Variants in BAZ1A observed in about 807,000 individuals in gnomAD.
BAZ1A encodes bromodomain adjacent to zinc finger domain 1A.
In BAZ1A, 50 loss-of-function variants were observed where a neutral mutation model predicts 185.2. The observed-to-expected ratio is 0.27, with a 90% CI of 0.22 to 0.34. BAZ1A has a LOEUF of 0.34. BAZ1A is among the 10% of genes least tolerant of loss of function. The pLI is 1.00. For missense variants in BAZ1A, 1,356 were observed against 1,839.9 expected (o/e 0.74, Z 4.81); for synonymous variants, 571 against 615.6 (o/e 0.93, Z 1.07).
At chr14:34,814,017 T>C (rs2041969291) in intron 4 of BAZ1A, among the ~76,000 whole-genome samples, 1 of 146,814 alleles carries the variant, frequency 6.8e-6, no homozygotes, top group South Asian at 2.1e-4. Flanking sequence ...TACTCCAGCC[T>C]GGGCAACAGA....
At chr14:34,781,664 T>C (rs1186125546) in intron 16 of BAZ1A, among the ~76,000 whole-genome samples, 1 of 152,098 alleles carries the variant, frequency 6.6e-6, no homozygotes, top group Non-Finnish European at 1.5e-5. Flanking sequence ...CCTGGCTAAT[T>C]TTTTGTATTT....
chr14:34,783,368 CTT>C (rs201307518), intron 15 of BAZ1A, 136 bp from the exon 16 acceptor site: 6,906 of 363,930 alleles, frequency 0.019, no homozygotes, highest in East Asian at 0.031. Flanking sequence ...CATTCATAAG[CTT>C]TTTTTTTTTT....
intron 4 of BAZ1A, among the ~76,000 whole-genome samples, chr14:34,816,336 C>T (rs990928000): frequency 6.6e-6 from 1 of 152,070 alleles, no homozygotes; most frequent in Non-Finnish European, 1.5e-5. Flanking sequence ...ATCCACCCGC[C>T]CTGGCCTCCC....
chr14:34,861,986 T>C (rs2042776095), intron 3 of BAZ1A, 58 bp downstream of exon 3: 3 of 1,555,856 alleles, frequency 1.9e-6, no homozygotes, highest in Admixed American at 1.8e-5. Context: ...TTGTGTGTTT[T>C]GGATTTTGAG....
chr14:34,783,101 G>A lies in BAZ1A; in HGVS notation c.2111+18C>T. 6.6e-7 allele frequency: 1 copy of A among 1,511,894 alleles called. No homozygotes were observed. The highest frequency in any genetic ancestry group is 9.2e-7 in the Non-Finnish European group (1 of 1,090,870). 93.7% of individuals were successfully genotyped at this position (1,511,894 alleles called of 1,614,324 possible). On this transcript the variant is annotated intron_variant, in intron 16 of 26. Transcript: ENST00000360310. ...TTATGTATGGTAAAGCAGATGAACA[G>A]TGTGATTCAAACCATACCCAATAGA...
rs748301218 is a variant in BAZ1A, at chr14:34,753,420, A to T, written c.*88T>A. The T allele has an allele frequency of 2.2e-5, 29 of 1,326,724 alleles. No homozygotes were observed. The highest frequency in any genetic ancestry group is 9.8e-5 in the East Asian group (4 of 40,822). 82.2% of individuals were successfully genotyped at this position (1,326,724 alleles called of 1,614,324 possible). Reference sequence around the variant, plus strand: ...GGCCACACTTTCATGTGGTCAATCAATTGTTATTGCTTTATACAGCATGAT... The same window carrying T: ...GGCCACACTTTCATGTGGTCAATCATTTGTTATTGCTTTATACAGCATGAT... On this transcript the variant is annotated 3_prime_UTR_variant, in exon 27 of 27. Coordinates refer to ENST00000360310, the MANE Select transcript of BAZ1A (RefSeq NM_013448.3).
chr14:34,837,405 T>A (rs947776694), intron 3 of BAZ1A, among the ~76,000 whole-genome samples: 5 of 94,886 alleles, frequency 5.3e-5, no homozygotes, highest in African/African-American at 1.2e-4. Flanking sequence ...CCACCCCAGC[T>A]AATTTTTTTT....
At chr14:34,865,501 C>G (rs548751026) in intron 2 of BAZ1A, among the ~76,000 whole-genome samples, 3 of 152,242 alleles carry the variant, frequency 2.0e-5, no homozygotes, top group South Asian at 4.1e-4. Context: ...TGTAGGTTAT[C>G]TCTATTAGTT....
In BAZ1A at chr14:34,816,945, T is replaced by C. The variant is rs539646959; in HGVS notation, c.537-5909A>G. 177 of 314,392 alleles carry C rather than the reference T, an allele frequency of 5.6e-4. 1 individual carries two copies. Among genetic ancestry groups the C allele is most frequent in the South Asian group, 1.3e-3 (53 of 39,860 alleles). The allele number at this position is 314,392 out of a possible 1,614,324, so 19.5% of individuals were successfully genotyped here. On this transcript the variant is annotated intron_variant, in intron 4 of 26. Transcript: ENST00000360310. ...TTCTTTAAAAATCTATTAGTAATTT[T>C]TGAGTGAAAGGAACAATAGCGGACA...
At chr14:34,794,031 C>T (rs893330258) in intron 11 of BAZ1A, among the ~76,000 whole-genome samples, 14 of 151,802 alleles carry the variant, frequency 9.2e-5, no homozygotes, top group Non-Finnish European at 4.4e-5. Context: ...ACTTGGGAGG[C>T]TGAGGCAGGA....
chr14:34,792,953 G>T (rs772134543), intron 11 of BAZ1A, 32 bp from the exon 12 acceptor site: 2 of 1,586,140 alleles, frequency 1.3e-6, no homozygotes, highest in Non-Finnish European at 1.7e-6. Flanking sequence ...TGAATTTAAA[G>T]TTCTGTTCAT....
Position 34,783,110 on chromosome 14 carries a change from A to C in BAZ1A, c.2111+9T>G, listed in dbSNP as rs1467920827. 1.3e-6 allele frequency: 2 copies of C among 1,568,422 alleles called. No homozygotes were observed. Among genetic ancestry groups the C allele is most frequent in the Admixed American group, 1.7e-5 (1 of 59,328 alleles). On this transcript the variant is annotated intron_variant, in intron 16 of 26. Coordinates refer to ENST00000360310, the MANE Select transcript of BAZ1A (RefSeq NM_013448.3). ...GTAAAGCAGATGAACAGTGTGATTC[A>C]AACCATACCCAATAGATATATCTGC...
intron 24 of BAZ1A, among the ~76,000 whole-genome samples, chr14:34,760,560 T>G (rs766737761): frequency 1.2e-4 from 17 of 140,096 alleles, no homozygotes; most frequent in Non-Finnish European, 2.3e-4. Flanking sequence ...AACAAAAAAA[T>G]AGGGCCAGGC....
chr14:34,790,165 TTTC>T (rs1880747603), intron 12 of BAZ1A, among the ~76,000 whole-genome samples: 1 of 147,514 alleles, frequency 6.8e-6, no homozygotes, highest in Non-Finnish European at 1.5e-5. Flanking sequence ...AAATAAATAT[TTTC>T]TTTTTTTTTT....
intron 3 of BAZ1A, among the ~76,000 whole-genome samples, chr14:34,856,535 T>A (rs953453386): frequency 6.6e-6 from 1 of 151,942 alleles, no homozygotes; most frequent in African/African-American, 2.4e-5. Context: ...AAAACCCCAA[T>A]ATACCCAGCC....
intron 3 of BAZ1A, among the ~76,000 whole-genome samples, chr14:34,853,384 T>C (rs2042626852): frequency 6.6e-6 from 1 of 152,156 alleles, no homozygotes; most frequent in Admixed American, 6.6e-5. Context: ...GTCACAACAA[T>C]AACAAAGGAT....
intron 3 of BAZ1A, among the ~76,000 whole-genome samples, chr14:34,859,446 T>G (rs1466835733): frequency 7.0e-6 from 1 of 143,002 alleles, no homozygotes; most frequent in Non-Finnish European, 1.5e-5. Context: ...AAAAAAAAAA[T>G]CCACAGAAAA....
rs200886033 is a variant in BAZ1A at position 34,792,866 on chromosome 14, C to G, written c.1419G>C (p.Leu473Phe). Residue 473 changes from leucine to phenylalanine, a missense_variant, in exon 12 of 27, where the codon TTG (leucine) becomes TTC (phenylalanine). Physicochemically the swap from Leu to Phe is conservative, Grantham distance 22. Around this residue, in one of 7 missense-constraint regions of BAZ1A, gnomAD observed 184 missense variants for 355.1 expected, o/e 0.52. Coordinates refer to ENST00000360310, the MANE Select transcript of BAZ1A (RefSeq NM_013448.3). ...GNDSEGPLCE[L>F]LFFFLTAIFQ... Reference sequence around the variant, plus strand: ...AGATTGCAGTCAGGAAGAAAAAAAGCAATTCACACAGTGGGCCTTCACTGT... The same window carrying G: ...AGATTGCAGTCAGGAAGAAAAAAAGGAATTCACACAGTGGGCCTTCACTGT... 5.7e-5 allele frequency: 92 copies of G among 1,613,686 alleles called. No individual in the cohort carries two copies. Among genetic ancestry groups the G allele is most frequent in the Admixed American group, 2.5e-4 (15 of 59,938 alleles).
At chr14:34,780,924 A>G (rs907830131) in intron 16 of BAZ1A, among the ~76,000 whole-genome samples, 1 of 152,318 alleles carries the variant, frequency 6.6e-6, no homozygotes, top group African/African-American at 2.4e-5. Flanking sequence ...AATAATAGTA[A>G]CAGATCAGTA....
Sources: allele counts gnomAD v4.1 joint callset (sites outside exome capture counted in the v4.1 genomes callset), GRCh38; gene constraint gnomAD v4.1.1; regional missense constraint gnomAD v4.1.1; transcripts MANE v1.5; gene names NCBI Gene and HGNC (gene_info 2026-07-23, HGNC 2026-07-21).